Variants in NAALADL2 observed in about 807,000 individuals in gnomAD.
The protein encoded by NAALADL2 is inactive N-acetylated-alpha-linked acidic dipeptidase-like protein 2.
A neutral mutation model predicts 87.2 loss-of-function variants in NAALADL2; 76 were observed. That is an observed-to-expected ratio of 0.87 (90% CI 0.72 to 1.05). The LOEUF (loss-of-function observed/expected upper bound fraction) is 1.05. NAALADL2 is among the 50% of genes least tolerant of loss of function. The probability of loss-of-function intolerance (pLI) is 0.00; values close to 1 mark genes in which losing one functional copy is unlikely to be tolerated. For missense variants in NAALADL2, 1,089 were observed against 945.8 expected (o/e 1.15, Z -1.99); for synonymous variants, 354 against 331.0 (o/e 1.07, Z -0.75).
chr3:175,176,570 T>A (rs1331397555), intron 2 of NAALADL2, among the ~76,000 whole-genome samples: 1 of 152,088 alleles, frequency 6.6e-6, no homozygotes, highest in Admixed American at 6.6e-5. Context: ...AGTTAAGGAT[T>A]TTGAAAAGGG....
At chr3:175,317,997 T>G (rs1392385349) in intron 4 of NAALADL2, among the ~76,000 whole-genome samples, 1 of 152,154 alleles carries the variant, frequency 6.6e-6, no homozygotes, top group Non-Finnish European at 1.5e-5. Context: ...TACAAGCATG[T>G]TTATTGCATA....
chr3:174,578,600 A>G (rs1312617183), intron 2 of NAALADL2, among the ~76,000 whole-genome samples: 1 of 152,018 alleles, frequency 6.6e-6, no homozygotes, highest in African/African-American at 2.4e-5. Flanking sequence ...GTAGATTTAT[A>G]GTACAAGAAA....
chr3:175,719,089 G>A (rs909287709), intron 11 of NAALADL2, among the ~76,000 whole-genome samples: 5 of 152,052 alleles, frequency 3.3e-5, no homozygotes, highest in African/African-American at 1.2e-4. Context: ...TGAATCTTCA[G>A]GAAGGAAGAT....
chr3:175,021,201 G>A (rs1414267380), intron 1 of NAALADL2, among the ~76,000 whole-genome samples: 1 of 151,938 alleles, frequency 6.6e-6, no homozygotes, highest in Admixed American at 6.6e-5. Flanking sequence ...GCTCTTCACC[G>A]AATATACGCA....
At chr3:175,530,536 G>A (rs548418730) in intron 9 of NAALADL2, among the ~76,000 whole-genome samples, 2 of 152,298 alleles carry the variant, frequency 1.3e-5, no homozygotes, top group South Asian at 4.1e-4. Flanking sequence ...CTGTAATGCT[G>A]CAGCTGTCCA....
intron 2 of NAALADL2, among the ~76,000 whole-genome samples, chr3:174,574,325 A>G (rs746762042): frequency 7.2e-5 from 11 of 152,160 alleles, no homozygotes; most frequent in Non-Finnish European, 1.6e-4. Context: ...GTTTTCACAT[A>G]CATTATATTT....
intron 11 of NAALADL2, among the ~76,000 whole-genome samples, chr3:175,699,838 G>A (rs947486823): frequency 1.3e-5 from 2 of 152,088 alleles, no homozygotes; most frequent in South Asian, 2.1e-4. Context: ...ATTGATAAAT[G>A]CCAAATCCTT....
rs751505486 is a variant in NAALADL2 at position 175,641,291 on chromosome 3, CA to C, written c.1896+13908del. On this transcript the variant is annotated intron_variant, in intron 11 of 13. Transcript: ENST00000454872. ...CTACCTTCTCATTCAACTTTTTCTT[CA>C]AAGGTCTTACTTTTTGTAAGTTGTA... Among the ~76,000 whole-genome samples the C allele has an allele frequency of 9.1e-4, 139 of 152,272 alleles. 5 individuals are homozygous for C. The highest frequency in any genetic ancestry group is 5.1e-4 in the Non-Finnish European group (35 of 68,006).
intron 9 of NAALADL2, among the ~76,000 whole-genome samples, chr3:175,543,613 G>T (rs995032602): frequency 6.6e-6 from 1 of 152,086 alleles, no homozygotes; most frequent in African/African-American, 2.4e-5. Flanking sequence ...AAGGGGAAAA[G>T]CCCCTTATAA....
chr3:175,638,959 G>A (rs903922344), intron 11 of NAALADL2, among the ~76,000 whole-genome samples: 1 of 152,164 alleles, frequency 6.6e-6, no homozygotes. Context: ...TACAGTTTCT[G>A]TAGTGAAATT....
chr3:175,496,381 T>TA (rs1728813534), intron 9 of NAALADL2, among the ~76,000 whole-genome samples: 1 of 151,636 alleles, frequency 6.6e-6, no homozygotes, highest in East Asian at 1.9e-4. Context: ...CTTTTTTATT[T>TA]TAAAAAAATA....
rs1353889838 is a variant in NAALADL2, at chr3:174,776,952, T to TA, written c.-9+39210dup. The stretch of plus-strand genomic sequence containing the variant: ...ATTCTTCCCTTAAATTCTTTTGGGG[T>TA]AAAATCAATGGCAACAGCATTGGGA... On this transcript the variant is annotated intron_variant, in intron 3 of 3. Coordinates refer to the NAALADL2 transcript ENST00000434257. 1.2e-4 allele frequency among the ~76,000 whole-genome samples: 18 copies of TA among 152,224 alleles called. No homozygotes were observed. The South Asian group carries it at 3.5e-3, about 30-fold the overall frequency.
chr3:175,027,448 T>G (rs1204785312), intron 1 of NAALADL2, among the ~76,000 whole-genome samples: 1 of 152,070 alleles, frequency 6.6e-6, no homozygotes, highest in Non-Finnish European at 1.5e-5. Flanking sequence ...TTATGTACCA[T>G]AGTACATAAC....
chr3:174,518,537 C>A (rs762630855), intron 1 of NAALADL2, among the ~76,000 whole-genome samples: 15 of 152,220 alleles, frequency 9.9e-5, no homozygotes, highest in Non-Finnish European at 1.8e-4. Context: ...TAAAGTAAAT[C>A]ACAACCCTGC....
At chr3:175,470,284 T>C (rs1258781242) in intron 8 of NAALADL2, among the ~76,000 whole-genome samples, 1 of 152,112 alleles carries the variant, frequency 6.6e-6, no homozygotes. Flanking sequence ...CTATTATATA[T>C]TGTGTGGCAT....
At chr3:175,747,179 G>A (rs975293654) in intron 12 of NAALADL2, among the ~76,000 whole-genome samples, 1 of 152,032 alleles carries the variant, frequency 6.6e-6, no homozygotes, top group Non-Finnish European at 1.5e-5. Flanking sequence ...ATCACCTAAT[G>A]TCCCTTAATT....
intron 2 of NAALADL2, among the ~76,000 whole-genome samples, chr3:174,704,910 A>G (rs1729912800): frequency 6.6e-6 from 1 of 152,236 alleles, no homozygotes; most frequent in South Asian, 2.1e-4. Context: ...TTCCTGCAGC[A>G]TATTTTTGGT....
At chr3:175,200,922 C>T (rs554243118) in intron 2 of NAALADL2, among the ~76,000 whole-genome samples, 3 of 152,216 alleles carry the variant, frequency 2.0e-5, no homozygotes, top group South Asian at 2.1e-4. Context: ...TATCCCTGCA[C>T]TCCAATCCAA....
chr3:174,708,002 A>T (rs939348325), intron 2 of NAALADL2, among the ~76,000 whole-genome samples: 1 of 152,200 alleles, frequency 6.6e-6, no homozygotes, highest in African/African-American at 2.4e-5. Flanking sequence ...ATTCCATTTC[A>T]TCACTTTCTT....
Sources: allele counts gnomAD v4.1 joint callset (sites outside exome capture counted in the v4.1 genomes callset), GRCh38; gene constraint gnomAD v4.1.1; transcripts MANE v1.5; gene names NCBI Gene and HGNC (gene_info 2026-07-23, HGNC 2026-07-21).